The following GABRG3 variants were observed in gnomAD, a reference collection of about 807,000 sequenced individuals.
GABRG3 encodes the protein gamma-aminobutyric acid type A receptor subunit gamma3, also known as gamma-aminobutyric acid receptor subunit gamma-3.
A neutral mutation model predicts 48.8 loss-of-function variants in GABRG3; 25 were observed. The observed-to-expected ratio is 0.51, with a 90% CI of 0.37 to 0.72. The LOEUF (loss-of-function observed/expected upper bound fraction) is 0.72, where lower values mean the gene tolerates loss of function less well. GABRG3 is among the 30% of genes least tolerant of loss of function. GABRG3 has a pLI of 0.00. For synonymous variants in GABRG3, 227 were observed against 217.6 expected (o/e 1.04, Z -0.38); for missense variants, 394 against 577.9 (o/e 0.68, Z 3.26).
chr15:27,293,415 A>G (rs1243816283), intron 3 of GABRG3, among the ~76,000 whole-genome samples: 3 of 152,168 alleles, frequency 2.0e-5, no homozygotes, highest in Non-Finnish European at 2.9e-5. Context: ...GGGGCCAGGC[A>G]TGGTGGCTCA....
chr15:27,041,766 A>G (rs1243190093), intron 3 of GABRG3, among the ~76,000 whole-genome samples: 5 of 152,140 alleles, frequency 3.3e-5, no homozygotes, highest in Non-Finnish European at 2.9e-5. Context: ...AGGTGATCCT[A>G]CCAGCATGCA....
chr15:27,086,336 A>G (rs1365006899), intron 3 of GABRG3, among the ~76,000 whole-genome samples: 1 of 144,482 alleles, frequency 6.9e-6, no homozygotes, highest in African/African-American at 2.6e-5. Flanking sequence ...GCATTTACAA[A>G]GGCAGCATGG....
At chr15:27,399,691 G>A (rs563723383) in intron 5 of GABRG3, among the ~76,000 whole-genome samples, 5 of 152,208 alleles carry the variant, frequency 3.3e-5, no homozygotes, top group South Asian at 2.1e-4. Context: ...TTAAACCGTC[G>A]TCTGTACTTG....
rs767697370 is a variant in GABRG3, at chr15:27,417,345, A to C, written c.575-63305A>C. On this transcript the variant is annotated intron_variant, in intron 5 of 9. Transcript: ENST00000615808. ...GTGGGTGACACTCATCCCTCTTAAA[A>C]TAGACAGTATCTGGCCTATGTATTT... Among the ~76,000 whole-genome samples the C allele has an allele frequency of 3.9e-5, 6 of 152,288 alleles. No homozygotes were observed. In the South Asian group the frequency reaches 1.2e-3, roughly 32 times the overall value.
At chr15:27,137,366 C>T (rs890730616) in intron 3 of GABRG3, among the ~76,000 whole-genome samples, 6 of 152,128 alleles carry the variant, frequency 3.9e-5, no homozygotes, top group Admixed American at 1.3e-4. Flanking sequence ...AACAAAGGAG[C>T]CTTTCTCTAT....
chr15:27,263,744 C>T (rs1890831676), intron 3 of GABRG3, among the ~76,000 whole-genome samples: 1 of 151,806 alleles, frequency 6.6e-6, no homozygotes, highest in African/African-American at 2.4e-5. Flanking sequence ...CATATGGTCC[C>T]ATGTTTAGAC....
chr15:27,287,069 C>G (rs1304770319), intron 3 of GABRG3, among the ~76,000 whole-genome samples: 1 of 152,174 alleles, frequency 6.6e-6, no homozygotes, highest in Non-Finnish European at 1.5e-5. Context: ...TTATTCCATA[C>G]CTTCATTTTT....
chr15:27,274,899 A>AT (rs903654621), intron 3 of GABRG3, among the ~76,000 whole-genome samples: 9 of 152,312 alleles, frequency 5.9e-5, no homozygotes, highest in African/African-American at 1.7e-4. Flanking sequence ...CTTATGAGAG[A>AT]TTTTTTTAAT....
At chr15:27,388,100 GAGGGAGGGAAAAGA>G (rs1896020919) in intron 5 of GABRG3, among the ~76,000 whole-genome samples, 2 of 61,110 alleles carry the variant, frequency 3.3e-5, no homozygotes, top group East Asian at 5.3e-4. Context: ...GGAGGAAAGG[GAGGGAGGGAAAAGA>G]AGGAAGGAAG....
At chr15:27,172,714 G>A (rs1595565854) in intron 3 of GABRG3, among the ~76,000 whole-genome samples, 1 of 152,246 alleles carries the variant, frequency 6.6e-6, no homozygotes, top group African/African-American at 2.4e-5. Flanking sequence ...TGAGCCAGAA[G>A]TGGCCACTGA....
intron 3 of GABRG3, among the ~76,000 whole-genome samples, chr15:27,227,326 T>C (rs1026563560): frequency 2.0e-5 from 3 of 152,082 alleles, no homozygotes; most frequent in African/African-American, 7.2e-5. Context: ...CCCTGTCTCC[T>C]CCAAAAACAG....
intron 3 of GABRG3, among the ~76,000 whole-genome samples, chr15:27,045,578 A>G (rs1451906392): frequency 2.0e-5 from 3 of 152,206 alleles, no homozygotes; most frequent in Admixed American, 6.5e-5. Flanking sequence ...AAAACCGTAA[A>G]TCTGCTGCAA....
At chr15:27,464,223 C>T (rs1434360450) in intron 5 of GABRG3, among the ~76,000 whole-genome samples, 2 of 152,108 alleles carry the variant, frequency 1.3e-5, no homozygotes, top group South Asian at 2.1e-4. Flanking sequence ...ACATTGTCAT[C>T]ACCCCAAAAT....
In GABRG3 at chr15:27,238,685, A is replaced by G. The variant is rs116630207; in HGVS notation, c.271-88124A>G. Among the ~76,000 whole-genome samples, 632 of 152,326 alleles carry G rather than the reference A, an allele frequency of 4.1e-3. 5 individuals are homozygous for G. Among genetic ancestry groups the G allele is most frequent in the African/African-American group, 0.015 (607 of 41,576 alleles). On this transcript the variant is annotated intron_variant, in intron 3 of 9. Transcript: ENST00000615808. The stretch of plus-strand genomic sequence containing the variant: ...TAATTATTACTTGTTAATTCTGCAT[A>G]TATTCCCGTTTTCTTTCTTGTTGCA...
At chr15:27,246,989 G>C (rs751124688) in intron 3 of GABRG3, among the ~76,000 whole-genome samples, 2 of 152,124 alleles carry the variant, frequency 1.3e-5, no homozygotes, top group South Asian at 2.1e-4. Flanking sequence ...TTATAAACAG[G>C]GTTCCTCTCT....
chr15:27,037,143 A>G (rs955984304), intron 3 of GABRG3, among the ~76,000 whole-genome samples: 2 of 152,146 alleles, frequency 1.3e-5, no homozygotes, highest in African/African-American at 2.4e-5. Context: ...CACAGCCCCC[A>G]GAGAGCACCA....
At chr15:27,392,861 T>C (rs1887178719) in intron 5 of GABRG3, among the ~76,000 whole-genome samples, 1 of 152,226 alleles carries the variant, frequency 6.6e-6, no homozygotes, top group South Asian at 2.1e-4. Flanking sequence ...GCGTTGGCCA[T>C]TGGGAGCACA....
At chr15:27,097,615 C>A (rs1897286545) in intron 3 of GABRG3, among the ~76,000 whole-genome samples, 1 of 152,072 alleles carries the variant, frequency 6.6e-6, no homozygotes, top group African/African-American at 2.4e-5. Context: ...TTTCTGTTCA[C>A]CCTGCCGCAG....
intron 3 of GABRG3, among the ~76,000 whole-genome samples, chr15:27,124,357 C>T (rs1897781859): frequency 6.6e-6 from 1 of 152,220 alleles, no homozygotes; most frequent in East Asian, 1.9e-4. Flanking sequence ...TGATTACACT[C>T]ACTTCACAGG....
Sources: gnomAD v4.1 joint callset for allele counts (sites outside exome capture counted in the v4.1 genomes callset) on GRCh38, gnomAD v4.1.1 for gene constraint, MANE v1.5 for transcripts, NCBI Gene and HGNC (gene_info 2026-07-23, HGNC 2026-07-21) for gene names.